The following SUGCT variants were observed in gnomAD, a reference collection of about 807,000 sequenced individuals.
The protein encoded by SUGCT is succinyl-CoA:glutarate CoA-transferase.
In SUGCT, 41 loss-of-function variants were observed where a neutral mutation model predicts 55.0. The observed-to-expected ratio is 0.74, with a 90% CI of 0.58 to 0.97. SUGCT has a LOEUF of 0.97. Among genes scored for constraint, SUGCT ranks in the 50% least tolerant of loss-of-function variants. SUGCT has a pLI of 0.00. For synonymous variants in SUGCT, 187 were observed against 200.4 expected (o/e 0.93, Z 0.56); for missense variants, 568 against 547.8 (o/e 1.04, Z -0.37).
chr7:40,939,605 T>C, the SUGCT span, among the ~76,000 whole-genome samples: 2 of 152,200 alleles, frequency 1.3e-5, no homozygotes, highest in Admixed American at 6.5e-5. Flanking sequence ...TGGTATGTCA[T>C]TGTGGTTTTA....
chr7:40,574,389 T>C (rs1796611884), intron 12 of SUGCT, among the ~76,000 whole-genome samples: 1 of 152,190 alleles, frequency 6.6e-6, no homozygotes, highest in South Asian at 2.1e-4. Context: ...AGATATATTA[T>C]GTCATCCTGA....
intron 12 of SUGCT, among the ~76,000 whole-genome samples, chr7:40,604,606 A>G (rs1798438754): frequency 1.3e-5 from 2 of 152,142 alleles, no homozygotes; most frequent in South Asian, 4.1e-4. Context: ...AGTCATTTTC[A>G]TTCAGTTTGG....
chr7:40,516,303 T>G (rs535529199), intron 12 of SUGCT, among the ~76,000 whole-genome samples: 1 of 152,334 alleles, frequency 6.6e-6, no homozygotes, highest in South Asian at 2.1e-4. Context: ...TTTCATTTTC[T>G]TGATTGTATT....
intron 7 of SUGCT, among the ~76,000 whole-genome samples, chr7:40,244,918 A>G (rs1012258404): frequency 6.6e-6 from 1 of 152,136 alleles, no homozygotes; most frequent in South Asian, 2.1e-4. Context: ...AACGGTCCAC[A>G]ATATAAATCT....
chr7:40,322,241 C>G (rs1795795636), intron 9 of SUGCT, among the ~76,000 whole-genome samples: 1 of 152,126 alleles, frequency 6.6e-6, no homozygotes, highest in African/African-American at 2.4e-5. Context: ...TCTTGTGTCT[C>G]TCTCTCTCCC....
chr7:41,020,101 GTAAATAACAAA>G, the SUGCT span, among the ~76,000 whole-genome samples: 1 of 152,140 alleles, frequency 6.6e-6, no homozygotes, highest in African/African-American at 2.4e-5. Context: ...TGAATGCATT[GTAAATAACAAA>G]TGCTATCTTA....
chr7:40,971,570 C>G, the SUGCT span, among the ~76,000 whole-genome samples: 1 of 152,122 alleles, frequency 6.6e-6, no homozygotes, highest in African/African-American at 2.4e-5. Flanking sequence ...CTCAGGCTTC[C>G]TGGGTGACTT....
intron 6 of SUGCT, among the ~76,000 whole-genome samples, chr7:40,227,729 C>G (rs1371185330): frequency 6.6e-6 from 1 of 151,886 alleles, no homozygotes; most frequent in East Asian, 1.9e-4. Context: ...TAGGAAAGGA[C>G]TCTTTTTTTA....
At chr7:40,366,914 G>A (rs1190620303) in intron 9 of SUGCT, among the ~76,000 whole-genome samples, 1 of 152,070 alleles carries the variant, frequency 6.6e-6, no homozygotes, top group African/African-American at 2.4e-5. Flanking sequence ...CCCATTACTG[G>A]GTATATACCC....
chr7:40,276,540 CT>C (rs1339626248), intron 8 of SUGCT, among the ~76,000 whole-genome samples: 11 of 152,314 alleles, frequency 7.2e-5, no homozygotes, highest in African/African-American at 2.6e-4. Flanking sequence ...TGAGACTCTA[CT>C]TAAGTCTCCT....
chr7:40,896,517 C>A, the SUGCT span, among the ~76,000 whole-genome samples: 62,164 of 151,756 alleles, frequency 0.41, 14,433 homozygotes, highest in East Asian at 0.58. Context: ...GCGGTTACCC[C>A]CCATGCTGCT....
At chr7:41,014,557 C>T in the SUGCT span, among the ~76,000 whole-genome samples, 1 of 152,182 alleles carries the variant, frequency 6.6e-6, no homozygotes, top group African/African-American at 2.4e-5. Flanking sequence ...CGCAGTCCCT[C>T]GTGTTGAGTC....
At chr7:40,615,575 G>A (rs958863447) in intron 12 of SUGCT, among the ~76,000 whole-genome samples, 1 of 152,134 alleles carries the variant, frequency 6.6e-6, no homozygotes. Flanking sequence ...CCAACACATC[G>A]CTGTAGAATG....
rs187380993 is a variant in SUGCT, at chr7:40,470,995, C to T, written c.986+11797C>T. Among the ~76,000 whole-genome samples, 48 of 152,090 alleles carry T rather than the reference C, an allele frequency of 3.2e-4. 1 individual carries two copies. Among genetic ancestry groups the T allele is most frequent in the Admixed American group, 2.8e-3 (42 of 15,254 alleles). On this transcript the variant is annotated intron_variant, in intron 11 of 13. Transcript: ENST00000335693. ...TCAGTACTCTGTTCAATTTAATGAACGGAAACAAAAAAGGAACATCAAAAT... is the reference window on the plus strand; with the variant it reads ...TCAGTACTCTGTTCAATTTAATGAATGGAAACAAAAAAGGAACATCAAAAT...
chr7:40,904,765 T>G, the SUGCT span, among the ~76,000 whole-genome samples: 1 of 152,100 alleles, frequency 6.6e-6, no homozygotes, highest in African/African-American at 2.4e-5. Flanking sequence ...AGGATGGAGA[T>G]TTAGGTTTAG....
At chr7:40,397,473 CA>C (rs1322605213) in intron 9 of SUGCT, among the ~76,000 whole-genome samples, 1 of 152,120 alleles carries the variant, frequency 6.6e-6, no homozygotes, top group Non-Finnish European at 1.5e-5. Flanking sequence ...TTCTGGACAG[CA>C]GGGAGTTTAT....
intron 9 of SUGCT, among the ~76,000 whole-genome samples, chr7:40,405,048 AC>A: frequency 1.3e-5 from 2 of 152,232 alleles, no homozygotes; most frequent in South Asian, 4.1e-4. Context: ...ATTACCTGAA[AC>A]CCAAACCTAA....
intron 12 of SUGCT, among the ~76,000 whole-genome samples, chr7:40,748,159 TAGG>T (rs1562978674): frequency 6.6e-6 from 1 of 152,114 alleles, no homozygotes; most frequent in Non-Finnish European, 1.5e-5. Context: ...GTTGTGGGAT[TAGG>T]AGGATTAGAG....
chr7:40,403,736 C>T (rs993741713), intron 9 of SUGCT, among the ~76,000 whole-genome samples: 1 of 152,190 alleles, frequency 6.6e-6, no homozygotes, highest in East Asian at 1.9e-4. Flanking sequence ...TCTGTCTACT[C>T]AATTTCTTCA....
Sources: allele counts gnomAD v4.1 joint callset (sites outside exome capture counted in the v4.1 genomes callset), GRCh38; gene constraint gnomAD v4.1.1; transcripts MANE v1.5; gene names NCBI Gene and HGNC (gene_info 2026-07-23, HGNC 2026-07-21).